The following CELSR3 variants were observed in gnomAD, a reference collection of about 807,000 sequenced individuals.
The protein encoded by CELSR3 is cadherin EGF LAG seven-pass G-type receptor 3.
CELSR3 carries 73 observed loss-of-function variants against 270.0 expected under a neutral mutation model. That is an observed-to-expected ratio of 0.27 (90% CI 0.22 to 0.33). The LOEUF is 0.33. CELSR3 is among the 10% of genes least tolerant of loss of function. CELSR3 has a pLI of 1.00. For synonymous variants in CELSR3, 1,780 were observed against 1,905.4 expected, an observed-to-expected ratio of 0.93 and a Z score of 1.71; for missense variants, 3,614 against 4,533.8, an observed-to-expected ratio of 0.80 and a Z score of 5.83.
In CELSR3 at chr3:48,661,147, G is replaced by T; in HGVS notation, c.1488C>A (p.Ser496Arg). ...FEIDPRSGLI[S>R]TSGRVDREHM... Reference sequence around the variant, plus strand: ...GCTCGCGGTCCACTCGGCCGCTGGTGCTGATGAGGCCGGAGCGTGGATCAA... The same window carrying T: ...GCTCGCGGTCCACTCGGCCGCTGGTTCTGATGAGGCCGGAGCGTGGATCAA... Residue 496 changes from serine (S) to arginine (R), a missense_variant, in exon 1 of 35, where the codon AGC becomes AGA. Ser to Arg is a moderately radical substitution (Grantham distance 110, BLOSUM62 -1). Coordinates refer to ENST00000164024, the MANE Select transcript of CELSR3 (RefSeq NM_001407.3). The T allele has an allele frequency of 6.2e-7, 1 of 1,604,838 alleles. No homozygotes were observed. Among genetic ancestry groups the T allele is most frequent in the Admixed American group, 1.7e-5 (1 of 58,616 alleles).
At position 48,650,714 on chromosome 3, in the gene CELSR3, T is replaced by C; in HGVS notation, c.6371-133A>G. Reference sequence around the variant, plus strand: ...TGCTGGCTTCTCAGGAGCTGACCTGTCAGATTCTGTGACAGGTCAGCAAAG... The same window carrying C: ...TGCTGGCTTCTCAGGAGCTGACCTGCCAGATTCTGTGACAGGTCAGCAAAG... On this transcript the variant is annotated intron_variant, in intron 15 of 34. Transcript: ENST00000164024. The surrounding 1 kb of genome is among the most constrained non-coding windows in gnomAD (Gnocchi z 5.1). 1 of 1,017,792 alleles carries C rather than the reference T, an allele frequency of 9.8e-7. No individual in the cohort carries two copies. The highest frequency in any genetic ancestry group is 1.4e-6 in the Non-Finnish European group (1 of 699,732). The allele number at this position is 1,017,792 out of a possible 1,614,324, so 63.0% of individuals were successfully genotyped here.
In CELSR3 at chr3:48,659,192, G is replaced by A. The variant is rs1291821168; in HGVS notation, c.3443C>T (p.Pro1148Leu). 1 of 1,614,076 alleles carries A rather than the reference G, an allele frequency of 6.2e-7. No homozygotes were observed. The highest frequency in any genetic ancestry group is 8.5e-7 in the Non-Finnish European group (1 of 1,180,044). ...YVIVVQATSA[P>L]LVSRATVHVR... ...GTGCACAGTGGCCCGGCTGACCAAAGGAGCAGATGTGGCCTGCACCACAAT... is the reference window on the plus strand; with the variant it reads ...GTGCACAGTGGCCCGGCTGACCAAAAGAGCAGATGTGGCCTGCACCACAAT... Residue 1148 changes from proline (P) to leucine (L), a missense_variant, in exon 1 of 35, where the codon CCT becomes CTT. Around this residue, in one of 7 missense-constraint regions of CELSR3, gnomAD observed 1,331 missense variants for 1,933.7 expected, o/e 0.69. Coordinates refer to ENST00000164024, the MANE Select transcript of CELSR3 (RefSeq NM_001407.3). This position sits in a 1 kb window ranked among gnomAD's most constrained non-coding sequence, Gnocchi z 8.1.
rs1178903696 is a variant in CELSR3, at chr3:48,640,628, C to T, written c.9026-69G>A. The stretch of plus-strand genomic sequence containing the variant: ...GGAGGGCAGGCAGGAATTGCTGAGT[C>T]TAGGGGTGTGGCAGCCCTTGGGATC... On this transcript the variant is annotated intron_variant, in intron 33 of 34. Coordinates refer to ENST00000164024, the MANE Select transcript of CELSR3 (RefSeq NM_001407.3). The surrounding 1 kb of genome is among the most constrained non-coding windows in gnomAD (Gnocchi z 7.5). 2 of 1,449,814 alleles carry T rather than the reference C, an allele frequency of 1.4e-6. No individual in the cohort carries two copies. Among genetic ancestry groups the T allele is most frequent in the African/African-American group, 1.4e-5 (1 of 70,162 alleles). 89.8% of individuals were successfully genotyped at this position (1,449,814 alleles called of 1,614,324 possible).
At position 48,657,712 on chromosome 3, in the gene CELSR3, A is replaced by T. The variant is rs1489270989; in HGVS notation, c.3749-364T>A. The stretch of plus-strand genomic sequence containing the variant: ...CATGGTCAGCAGGCCACCCCAACTC[A>T]GGACACAGAGAGGAGCTAGGGCCAC... On this transcript the variant is annotated intron_variant, in intron 1 of 34. Coordinates refer to ENST00000164024, the MANE Select transcript of CELSR3 (RefSeq NM_001407.3). This position sits in a 1 kb window ranked among gnomAD's most constrained non-coding sequence, Gnocchi z 5.4. Among the ~76,000 whole-genome samples, 1 of 152,174 alleles carries T rather than the reference A, an allele frequency of 6.6e-6. No individual in the cohort carries two copies. The highest frequency in any genetic ancestry group is 1.5e-5 in the Non-Finnish European group (1 of 68,022).
chr3:48,639,387 A>G lies in CELSR3; in HGVS notation c.9911+287T>C, dbSNP rs2047001733. Among the ~76,000 whole-genome samples the G allele has an allele frequency of 6.6e-6, 1 of 151,962 alleles. No homozygotes were observed. ...TCTAGGCCTCAGCTCCTGCCCTCCC[A>G]TTCGCTAGCTCAGCCCATCGGATGG... On this transcript the variant is annotated intron_variant, in intron 34 of 34. Transcript: ENST00000164024. This position sits in a 1 kb window ranked among gnomAD's most constrained non-coding sequence, Gnocchi z 4.1.
At position 48,646,388 on chromosome 3, in the gene CELSR3, T is replaced by C. The variant is rs2047084336; in HGVS notation, c.7296-131A>G. On this transcript the variant is annotated intron_variant, in intron 21 of 34. Transcript: ENST00000164024. This position sits in a 1 kb window ranked among gnomAD's most constrained non-coding sequence, Gnocchi z 4.8. ...GGATGTCCCCAGAGTGGAAGCTGTT[T>C]CTAAGAATCCCTCCAGCTTCTGCTG... 2 of 1,000,400 alleles carry C rather than the reference T, an allele frequency of 2.0e-6. No individual in the cohort carries two copies. The highest frequency in any genetic ancestry group is 1.6e-5 in the African/African-American group (1 of 61,042). 62.0% of individuals were successfully genotyped at this position (1,000,400 alleles called of 1,614,324 possible). A position where few individuals can be genotyped will look rare whatever the true frequency, so the allele number is the denominator to read the frequency against.
chr3:48,641,150 G>C lies in CELSR3; in HGVS notation c.9025+174C>G. The C allele has an allele frequency of 1.7e-6, 1 of 604,814 alleles. No individual in the cohort carries two copies. Among genetic ancestry groups the C allele is most frequent in the Non-Finnish European group, 3.0e-6 (1 of 336,782 alleles). 37.5% of individuals were successfully genotyped at this position (604,814 alleles called of 1,614,324 possible). On this transcript the variant is annotated intron_variant, in intron 33 of 34. Transcript: ENST00000164024. This position sits in a 1 kb window ranked among gnomAD's most constrained non-coding sequence, Gnocchi z 4.8. Reference sequence around the variant, plus strand: ...GGTAGAGGGGGACAGAGAATTCCCAGGTCAGGACAGGAGCAGTCCCTGAGG... The same window carrying C: ...GGTAGAGGGGGACAGAGAATTCCCACGTCAGGACAGGAGCAGTCCCTGAGG...
chr3:48,644,143 T>G lies in CELSR3; in HGVS notation c.8165+73A>C. On this transcript the variant is annotated intron_variant, in intron 27 of 34. Transcript: ENST00000164024. This position sits in a 1 kb window ranked among gnomAD's most constrained non-coding sequence, Gnocchi z 4.8. ...AGCCCAACCTGCACCAGGGAAGATC[T>G]GGGGGCCCCAGACCCCACCCAGGAG... 1 of 1,331,542 alleles carries G rather than the reference T, an allele frequency of 7.5e-7. No individual in the cohort carries two copies. Among genetic ancestry groups the G allele is most frequent in the African/African-American group, 1.5e-5 (1 of 68,534 alleles). The allele number at this position is 1,331,542 out of a possible 1,614,324, so 82.5% of individuals were successfully genotyped here. A position where few individuals can be genotyped will look rare whatever the true frequency, so the allele number is the denominator to read the frequency against.
At position 48,653,632 on chromosome 3, in the gene CELSR3, G is replaced by A. The variant is rs138056439; in HGVS notation, c.5435C>T (p.Thr1812Met). 42 of 1,613,896 alleles carry A rather than the reference G, an allele frequency of 2.6e-5. No homozygotes were observed. The highest frequency in any genetic ancestry group is 1.2e-4 in the African/African-American group (9 of 74,920). ...LMQVQAGPHS[T>M]LLCQLDRGLL... ...GGGTGGACACACCTGGCAAAGGAGC[G>A]TGCTGTGTGGCCCAGCCTGCACTTG... The change falls in exon 9 of 35, where the codon ACG becomes ATG. Residue 1812 changes from threonine (T) to methionine (M), a missense_variant. By Grantham distance (81) the Thr-to-Met change is moderately conservative. Around this residue, in one of 7 missense-constraint regions of CELSR3, gnomAD observed 1,331 missense variants for 1,933.7 expected, o/e 0.69. Coordinates refer to ENST00000164024, the MANE Select transcript of CELSR3 (RefSeq NM_001407.3). The surrounding 1 kb of genome is among the most constrained non-coding windows in gnomAD (Gnocchi z 6.5).
chr3:48,661,456 G>C lies in CELSR3; in HGVS notation c.1179C>G (p.Arg393=). 2 of 1,608,834 alleles carry C rather than the reference G, an allele frequency of 1.2e-6. No individual in the cohort carries two copies. Among genetic ancestry groups the C allele is most frequent in the Admixed American group, 1.7e-5 (1 of 59,500 alleles). ...GCAGGTAGTGACGCTCCATGCTCTC[G>C]CGGTCCAGAGCTGCCGCCGTACGGA... ...GLIRTAAALD[R]ESMERHYLRV... Residue 393 remains arginine, a synonymous_variant, in exon 1 of 35, where the codon CGC becomes CGG. Transcript: ENST00000164024.
rs772935901 is a variant in CELSR3, at chr3:48,639,792, T to C, written c.9793A>G (p.Ser3265Gly). 6.2e-7 allele frequency: 1 copy of C among 1,613,682 alleles called. No homozygotes were observed. Among genetic ancestry groups the C allele is most frequent in the South Asian group, 1.1e-5 (1 of 91,062 alleles). ...GTGGTGTGAGGGCCCAAGGGTGTGC[T>C]TGAAGATTGCACAGAGGAGAGGGCC... The part of the protein sequence containing the change: ...SSALSSVQSS[S>G]TPLGPHTTAT... The change falls in exon 34 of 35, where the codon AGC becomes GGC. Residue 3265 changes from serine (S) to glycine (G), a missense_variant. By Grantham distance (56) the Ser-to-Gly change is moderately conservative. Coordinates refer to ENST00000164024, the MANE Select transcript of CELSR3 (RefSeq NM_001407.3). The surrounding 1 kb of genome is among the most constrained non-coding windows in gnomAD (Gnocchi z 4.1).
chr3:48,647,808 G>T (rs933619840), intron 20 of CELSR3, 33 bp downstream of exon 20: 3 of 1,599,604 alleles, frequency 1.9e-6, no homozygotes, highest in Non-Finnish European at 1.7e-6. Flanking sequence ...AGAGAGACAG[G>T]ACTTGGCCCA....
chr3:48,661,569 C>G lies in CELSR3; in HGVS notation c.1066G>C (p.Glu356Gln). 6.2e-7 allele frequency: 1 copy of G among 1,608,614 alleles called. No individual in the cohort carries two copies. The highest frequency in any genetic ancestry group is 1.3e-5 in the African/African-American group (1 of 74,930). Residue 356 changes from glutamate to glutamine, a missense_variant, in exon 1 of 35, where the codon GAG becomes CAG. Physicochemically the swap from Glu to Gln is conservative, Grantham distance 29. This residue lies in a region of CELSR3 where 354 missense variants were observed against 500.9 expected (regional missense o/e 0.71). Coordinates refer to ENST00000164024, the MANE Select transcript of CELSR3 (RefSeq NM_001407.3). ...AGCGAGTAGACTAGGCGCCCGGCCT[C>G]GCCGGCGTCCGGGTCCTGAGCAACC... is the stretch of plus-strand genomic sequence containing the variant. ...RVVAQDPDAGEAGRLVYSLAA... is the reference protein window; with the variant it reads ...RVVAQDPDAGQAGRLVYSLAA...
Position 48,642,160 on chromosome 3 carries a change from G to A in CELSR3, c.8666-151C>T. 1 of 888,548 alleles carries A rather than the reference G, an allele frequency of 1.1e-6. No individual in the cohort carries two copies. Among genetic ancestry groups the A allele is most frequent in the Non-Finnish European group, 1.7e-6 (1 of 597,510 alleles). The allele number at this position is 888,548 out of a possible 1,614,324, so 55.0% of individuals were successfully genotyped here. ...AAGTGGAGGTAGCAGCAGAAGGGCT[G>A]GGACTTATCAGAGGGAAGGACGAAT... On this transcript the variant is annotated intron_variant, in intron 31 of 34. Coordinates refer to ENST00000164024, the MANE Select transcript of CELSR3 (RefSeq NM_001407.3). The surrounding 1 kb of genome is among the most constrained non-coding windows in gnomAD (Gnocchi z 6.1).
chr3:48,640,078 G>C lies in CELSR3; in HGVS notation c.9507C>G (p.Pro3169=). Residue 3169 remains proline, a synonymous_variant, in exon 34 of 35, where the codon CCC becomes CCG. Coordinates refer to ENST00000164024, the MANE Select transcript of CELSR3 (RefSeq NM_001407.3). This position sits in a 1 kb window ranked among gnomAD's most constrained non-coding sequence, Gnocchi z 7.5. Reference sequence around the variant, plus strand: ...GCTGGGGAGACAGGGGCAGAGGTGGGGGCTGTGGGTCAAGGTCCCGGGTGC... The same window carrying C: ...GCTGGGGAGACAGGGGCAGAGGTGGCGGCTGTGGGTCAAGGTCCCGGGTGC... ...PRRTRDLDPQ[P]PPLPLSPQRQ... is the part of the protein sequence containing the mutation. 1 of 1,610,830 alleles carries C rather than the reference G, an allele frequency of 6.2e-7. No individual in the cohort carries two copies. The highest frequency in any genetic ancestry group is 8.5e-7 in the Non-Finnish European group (1 of 1,179,754).
rs779598253 is a variant in CELSR3, at chr3:48,657,497, C to G, written c.3749-149G>C. On this transcript the variant is annotated intron_variant, in intron 1 of 34. Coordinates refer to ENST00000164024, the MANE Select transcript of CELSR3 (RefSeq NM_001407.3). This position sits in a 1 kb window ranked among gnomAD's most constrained non-coding sequence, Gnocchi z 5.4. ...CACCAGGACACAAGGGAGTCTGGGGCTAGTGACCACCAGCTCCCCCAGCAT... is the reference window on the plus strand; with the variant it reads ...CACCAGGACACAAGGGAGTCTGGGGGTAGTGACCACCAGCTCCCCCAGCAT... The G allele has an allele frequency of 1.3e-6, 1 of 788,380 alleles. No individual in the cohort carries two copies. The allele number at this position is 788,380 out of a possible 1,614,324, so 48.8% of individuals were successfully genotyped here. A position where few individuals can be genotyped will look rare whatever the true frequency, so the allele number is the denominator to read the frequency against.
chr3:48,661,673 C>T lies in CELSR3; in HGVS notation c.962G>A (p.Arg321His), dbSNP rs890325115. 6.3e-7 allele frequency: 1 copy of T among 1,582,578 alleles called. No individual in the cohort carries two copies. ...GTTGTACTGCGGAAACTGCGGGTGG[C>T]GGTTTGCGGCGCGACGAAAGCGTGC... ...NRARFRRAAN[R>H]HPQFPQYNYQ... Residue 321 changes from arginine (R) to histidine (H), a missense_variant, in exon 1 of 35, where the codon CGC becomes CAC. This residue lies in a region of CELSR3 where 470 missense variants were observed against 469.7 expected (regional missense o/e 1.00). Transcript: ENST00000164024.
At position 48,659,060 on chromosome 3, in the gene CELSR3, A is replaced by G; in HGVS notation, c.3575T>C (p.Ile1192Thr). 1.2e-6 allele frequency: 2 copies of G among 1,614,206 alleles called. No homozygotes were observed. The highest frequency in any genetic ancestry group is 2.2e-5 in the East Asian group (1 of 44,882). The change falls in exon 1 of 35, where the codon ATT (isoleucine) becomes ACT (threonine). Residue 1192 changes from isoleucine to threonine, a missense_variant. By Grantham distance (89) the Ile-to-Thr change is moderately conservative. Transcript: ENST00000164024. This position sits in a 1 kb window ranked among gnomAD's most constrained non-coding sequence, Gnocchi z 8.1. ...NRSDTFPSGIIGRIPAYDPDV... is the reference protein window; with the variant it reads ...NRSDTFPSGITGRIPAYDPDV... ...GGGGTCATAAGCTGGGATGCGCCCA[A>G]TAATGCCCGACGGGAAGGTGTCTGA...
chr3:48,658,741 G>T lies in CELSR3; in HGVS notation c.3748+146C>A. 1 of 900,456 alleles carries T rather than the reference G, an allele frequency of 1.1e-6. No homozygotes were observed. The highest frequency in any genetic ancestry group is 1.7e-6 in the Non-Finnish European group (1 of 598,776). The allele number at this position is 900,456 out of a possible 1,614,324, so 55.8% of individuals were successfully genotyped here. Reference sequence around the variant, plus strand: ...AAGCAGAGTCCTTGTGAGGTCTGTGGCAGATCTTGTAGGGTGCAGGAACCC... The same window carrying T: ...AAGCAGAGTCCTTGTGAGGTCTGTGTCAGATCTTGTAGGGTGCAGGAACCC... On this transcript the variant is annotated intron_variant, in intron 1 of 34. Transcript: ENST00000164024. The surrounding 1 kb of genome is among the most constrained non-coding windows in gnomAD (Gnocchi z 4.7).
Sources: gnomAD v4.1 joint callset for allele counts (sites outside exome capture counted in the v4.1 genomes callset) on GRCh38, gnomAD v4.1.1 for gene constraint, gnomAD v4.1.1 regional missense constraint, Gnocchi (gnomAD v3.1) non-coding constraint, MANE v1.5 for transcripts, NCBI Gene and HGNC (gene_info 2026-07-23, HGNC 2026-07-21) for gene names.